Variants in SDC1 observed in about 807,000 individuals in gnomAD.
The protein encoded by SDC1 is syndecan 1.
A neutral mutation model predicts 29.7 loss-of-function variants in SDC1; 14 were observed. The observed-to-expected ratio is 0.47, with a 90% CI of 0.31 to 0.74. The LOEUF (loss-of-function observed/expected upper bound fraction) is 0.74, where lower values mean the gene tolerates loss of function less well. Among genes scored for constraint, SDC1 ranks in the 30% least tolerant of loss-of-function variants. The probability of loss-of-function intolerance (pLI) is 0.05; values close to 1 mark genes in which losing one functional copy is unlikely to be tolerated. For synonymous variants in SDC1, 204 were observed against 175.5 expected (o/e 1.16, Z -1.29); for missense variants, 406 against 400.3 (o/e 1.01, Z -0.12).
At chr2:20,205,214 C>A in intron 2 of SDC1, 129 bp downstream of exon 2, 1 of 749,032 alleles carries the variant, frequency 1.3e-6, no homozygotes, top group Non-Finnish European at 2.3e-6. Flanking sequence ...TTGGAGCCAG[C>A]TGGGTGGAGA....
rs1677935361 is a variant in SDC1, at chr2:20,224,706, C to G, written c.66+96G>C. The G allele has an allele frequency of 5.3e-5, 64 of 1,202,808 alleles. 3 individuals carry two copies. In the South Asian group the frequency reaches 1.9e-3, roughly 36 times the overall value. 74.5% of individuals were successfully genotyped at this position (1,202,808 alleles called of 1,614,324 possible). ...CTAGCGCGGGAAGAAGGGAAGTCTT[C>G]GCTCCCCCTCCCCCTCCACGTGCAC... is the stretch of plus-strand genomic sequence containing the variant. On this transcript the variant is annotated intron_variant, in intron 1 of 4. Coordinates refer to ENST00000254351, the MANE Select transcript of SDC1 (RefSeq NM_002997.5). The surrounding 1 kb of genome is among the most constrained non-coding windows in gnomAD (Gnocchi z 4.9).
Position 20,202,333 on chromosome 2 carries a change from C to G in SDC1, c.*433G>C, listed in dbSNP as rs747557289. On this transcript the variant is annotated 3_prime_UTR_variant, in exon 5 of 5. Transcript: ENST00000254351. ...TCCCCTGCCACTCAGCGGCCACCCCCCCAAGATGCTTGGTCCTACCAGTAA... is the reference window on the plus strand; with the variant it reads ...TCCCCTGCCACTCAGCGGCCACCCCGCCAAGATGCTTGGTCCTACCAGTAA... 1 of 773,364 alleles carries G rather than the reference C, an allele frequency of 1.3e-6. No homozygotes were observed. The highest frequency in any genetic ancestry group is 1.7e-5 in the Admixed American group (1 of 57,664). 47.9% of individuals were successfully genotyped at this position (773,364 alleles called of 1,614,324 possible).
intron 1 of SDC1, among the ~76,000 whole-genome samples, chr2:20,212,245 G>A (rs1344800250): frequency 2.6e-5 from 4 of 152,228 alleles, no homozygotes; most frequent in Admixed American, 6.5e-5. Flanking sequence ...CATGGGGATA[G>A]TCTGGTGACA....
Position 20,224,679 on chromosome 2 carries a change from G to C in SDC1, c.66+123C>G. On this transcript the variant is annotated intron_variant, in intron 1 of 4. Coordinates refer to ENST00000254351, the MANE Select transcript of SDC1 (RefSeq NM_002997.5). The surrounding 1 kb of genome is among the most constrained non-coding windows in gnomAD (Gnocchi z 4.9). ...GGGCTCACCGTCCCGGGACCCGCTGGGCTAGCGCGGGAAGAAGGGAAGTCT... is the reference window on the plus strand; with the variant it reads ...GGGCTCACCGTCCCGGGACCCGCTGCGCTAGCGCGGGAAGAAGGGAAGTCT... 1 of 1,129,434 alleles carries C rather than the reference G, an allele frequency of 8.9e-7. No individual in the cohort carries two copies. The highest frequency in any genetic ancestry group is 1.1e-6 in the Non-Finnish European group (1 of 905,070). 70.0% of individuals were successfully genotyped at this position (1,129,434 alleles called of 1,614,324 possible). A position where few individuals can be genotyped will look rare whatever the true frequency, so the allele number is the denominator to read the frequency against.
At chr2:20,207,103 G>T (rs568864422) in intron 1 of SDC1, among the ~76,000 whole-genome samples, 2 of 152,352 alleles carry the variant, frequency 1.3e-5, no homozygotes, top group African/African-American at 4.8e-5. Flanking sequence ...CTCACTTCTG[G>T]GTAGTGCAAA....
chr2:20,213,046 T>A (rs190907937), intron 1 of SDC1, among the ~76,000 whole-genome samples: 1 of 152,296 alleles, frequency 6.6e-6, no homozygotes, highest in Admixed American at 6.5e-5. Flanking sequence ...CCGCACTGCC[T>A]GCTCACAGTA....
At position 20,204,111 on chromosome 2, in the gene SDC1, A is replaced by T. The variant is rs1441513094; in HGVS notation, c.329T>A (p.Val110Glu). 1 of 1,607,238 alleles carries T rather than the reference A, an allele frequency of 6.2e-7. No individual in the cohort carries two copies. Among genetic ancestry groups the T allele is most frequent in the East Asian group, 2.2e-5 (1 of 44,858 alleles). The change falls in exon 3 of 5, where the codon GTG becomes GAG. Residue 110 changes from valine to glutamate, a missense_variant. Physicochemically the swap from Val to Glu is moderately radical, Grantham distance 121. Transcript: ENST00000254351. ...CTCCCGGGCGGTGAGGCCAGGCTCCACTTCTGGCAGGACTACAGCCTCTCC... is the reference window on the plus strand; with the variant it reads ...CTCCCGGGCGGTGAGGCCAGGCTCCTCTTCTGGCAGGACTACAGCCTCTCC... ...KEGEAVVLPE[V>E]EPGLTAREQE...
At chr2:20,209,393 C>T (rs889474491) in intron 1 of SDC1, among the ~76,000 whole-genome samples, 1 of 152,182 alleles carries the variant, frequency 6.6e-6, no homozygotes, top group Non-Finnish European at 1.5e-5. Flanking sequence ...CCTTCTCTCT[C>T]CCCAGCCCTA....
At chr2:20,205,092 A>G (rs1056606002) in intron 2 of SDC1, among the ~76,000 whole-genome samples, 15 of 152,258 alleles carry the variant, frequency 9.9e-5, no homozygotes, top group Admixed American at 7.2e-4. Context: ...GCCTGCGTGC[A>G]GCAGGCGGCC....
intron 1 of SDC1, among the ~76,000 whole-genome samples, chr2:20,213,723 G>A (rs1677544154): frequency 6.6e-6 from 1 of 152,342 alleles, no homozygotes; most frequent in African/African-American, 2.4e-5. Context: ...CAGGTCCCCT[G>A]GAATGGGTAG....
intron 1 of SDC1, among the ~76,000 whole-genome samples, chr2:20,223,993 A>AAGCCG (rs1677907641): frequency 6.6e-6 from 1 of 151,642 alleles, no homozygotes; most frequent in Non-Finnish European, 1.5e-5. Context: ...CTTCAGCACA[A>AAGCCG]AGCCGAGCCG....
chr2:20,203,070 C>A lies in SDC1; in HGVS notation c.763+17G>T. ...GCAGCAATTCACCCCAAACTACCCC[C>A]CTGAAAGAAAACTCACCTCCCAGCA... On this transcript the variant is annotated intron_variant, in intron 4 of 4. Coordinates refer to ENST00000254351, the MANE Select transcript of SDC1 (RefSeq NM_002997.5). 2 of 1,588,622 alleles carry A rather than the reference C, an allele frequency of 1.3e-6. No homozygotes were observed. Among genetic ancestry groups the A allele is most frequent in the Admixed American group, 1.7e-5 (1 of 58,290 alleles).
At chr2:20,205,691 G>A (rs1247492515) in intron 1 of SDC1, among the ~76,000 whole-genome samples, 2 of 152,140 alleles carry the variant, frequency 1.3e-5, no homozygotes, top group Non-Finnish European at 2.9e-5. Context: ...ACCCTGAGAA[G>A]CTCAGTCTGG....
rs1326240093 is a variant in SDC1 at position 20,224,912 on chromosome 2, C to A, written c.-45G>T. 3 of 1,206,110 alleles carry A rather than the reference C, an allele frequency of 2.5e-6. No individual in the cohort carries two copies. Among genetic ancestry groups the A allele is most frequent in the Non-Finnish European group, 3.1e-6 (3 of 972,022 alleles). 74.7% of individuals were successfully genotyped at this position (1,206,110 alleles called of 1,614,324 possible). ...GGAGAGCGGCAGGCTGCGCGGGTCG[C>A]GGCTGCGGGCCGGCTTCGCGGGTTC... On this transcript the variant is annotated 5_prime_UTR_variant, in exon 1 of 5. Transcript: ENST00000254351. This position sits in a 1 kb window ranked among gnomAD's most constrained non-coding sequence, Gnocchi z 4.9.
rs3771242 is a variant in SDC1, at chr2:20,212,488, C to T, written c.67-7064G>A. ...TCCGAACTCAGGAGCCGGGAAAACACAGCCCGCCAGGGAGGCAGGCTGAGG... is the reference window on the plus strand; with the variant it reads ...TCCGAACTCAGGAGCCGGGAAAACATAGCCCGCCAGGGAGGCAGGCTGAGG... On this transcript the variant is annotated intron_variant, in intron 1 of 4. Transcript: ENST00000254351. Among the ~76,000 whole-genome samples, 12 of 152,350 alleles carry T rather than the reference C, an allele frequency of 7.9e-5. No homozygotes were observed. The East Asian group carries it at 2.3e-3, about 29-fold the overall frequency.
chr2:20,218,588 C>T (rs199506439), intron 1 of SDC1, among the ~76,000 whole-genome samples: 29 of 150,816 alleles, frequency 1.9e-4, no homozygotes, highest in Admixed American at 1.8e-3. Flanking sequence ...CACAGACACA[C>T]ACAGATACAA....
chr2:20,203,712 A>C, intron 3 of SDC1, 101 bp downstream of exon 3: 1 of 879,984 alleles, frequency 1.1e-6, no homozygotes, highest in Non-Finnish European at 1.8e-6. Flanking sequence ...CTTCCTGGTG[A>C]GGAATACGAG....
intron 1 of SDC1, among the ~76,000 whole-genome samples, chr2:20,207,176 G>A (rs1477122520): frequency 1.3e-5 from 2 of 152,256 alleles, no homozygotes; most frequent in African/African-American, 4.8e-5. Context: ...GCCAGACCAG[G>A]TGGAGGCTCC....
intron 1 of SDC1, among the ~76,000 whole-genome samples, chr2:20,211,553 T>C (rs1224326087): frequency 1.3e-5 from 2 of 152,128 alleles, no homozygotes; most frequent in Non-Finnish European, 2.9e-5. Flanking sequence ...GACTGGGAAG[T>C]GTCTACCTGA....
Sources: gnomAD v4.1 joint callset for allele counts (sites outside exome capture counted in the v4.1 genomes callset) on GRCh38, gnomAD v4.1.1 for gene constraint, Gnocchi (gnomAD v3.1) non-coding constraint, MANE v1.5 for transcripts, NCBI Gene and HGNC (gene_info 2026-07-23, HGNC 2026-07-21) for gene names.